Variants in SH3PXD2A observed in about 807,000 individuals in gnomAD.
SH3PXD2A encodes SH3 and PX domains 2A, also known as SH3 and PX domain-containing protein 2A.
Under a neutral mutation model 115.2 loss-of-function variants are expected in SH3PXD2A, and 32 were observed. The ratio of observed to expected loss-of-function variants is 0.28; its 90% CI spans 0.21 to 0.37. The LOEUF (loss-of-function observed/expected upper bound fraction) is 0.37. SH3PXD2A is among the 10% of genes least tolerant of loss of function. The probability of loss-of-function intolerance (pLI) is 1.00; values close to 1 mark genes in which losing one functional copy is unlikely to be tolerated. For missense variants in SH3PXD2A, 1,328 were observed against 1,498.7 expected (o/e 0.89, Z 1.88); for synonymous variants, 610 against 629.1 (o/e 0.97, Z 0.45).
chr10:103,718,961 T>A (rs2038143525), intron 5 of SH3PXD2A, among the ~76,000 whole-genome samples: 1 of 152,180 alleles, frequency 6.6e-6, no homozygotes, highest in South Asian at 2.1e-4. Context: ...GATCAGTGCC[T>A]TATAAAAGAG....
At chr10:103,770,257 G>A (rs1335203971) in intron 2 of SH3PXD2A, among the ~76,000 whole-genome samples, 1 of 152,204 alleles carries the variant, frequency 6.6e-6, no homozygotes, top group Non-Finnish European at 1.5e-5. Flanking sequence ...TGCCCAGGCT[G>A]GAGTACAGTG....
intron 1 of SH3PXD2A, among the ~76,000 whole-genome samples, chr10:103,810,797 A>C (rs2039258256): frequency 6.6e-6 from 1 of 151,926 alleles, no homozygotes; most frequent in Admixed American, 6.6e-5. Flanking sequence ...GGGGAGCAGG[A>C]AGTAGGGCAC....
At chr10:103,766,092 C>T (rs928427548) in intron 3 of SH3PXD2A, among the ~76,000 whole-genome samples, 15 of 152,210 alleles carry the variant, frequency 9.9e-5, no homozygotes, top group African/African-American at 2.7e-4. Context: ...GCAGGAGAAA[C>T]GCCTTTCAGA....
At chr10:103,615,483 G>GGGGTGTGTGTGTGTGTGT (rs1237824774) in intron 11 of SH3PXD2A, among the ~76,000 whole-genome samples, 18 of 128,524 alleles carry the variant, frequency 1.4e-4, no homozygotes, top group Admixed American at 5.6e-4. Flanking sequence ...AGAGTGCGAG[G>GGGGTGTGTGTGTGTGTGT]GTGTGTGTGT....
rs768074717 is a variant in SH3PXD2A, at chr10:103,602,381, G to A, written c.2837C>T (p.Thr946Met). 1.4e-5 allele frequency: 23 copies of A among 1,613,758 alleles called. No individual in the cohort carries two copies. The highest frequency in any genetic ancestry group is 6.7e-5 in the Admixed American group (4 of 60,004). The change falls in exon 15 of 15, where the codon ACG becomes ATG. Residue 946 changes from threonine to methionine, a missense_variant. By Grantham distance (81) the Thr-to-Met change is moderately conservative. Coordinates refer to ENST00000369774, the MANE Select transcript of SH3PXD2A (RefSeq NM_001394015.1). ...LNTVNQSKKA[T>M]PPIPSKPPGG... ...GGGAGGTTTGGAGGGGATGGGGGGCGTGGCCTTCTTGCTCTGGTTGACGGT... is the reference window on the plus strand; with the variant it reads ...GGGAGGTTTGGAGGGGATGGGGGGCATGGCCTTCTTGCTCTGGTTGACGGT...
At chr10:103,681,527 G>T (rs1002453955) in intron 6 of SH3PXD2A, among the ~76,000 whole-genome samples, 3 of 152,210 alleles carry the variant, frequency 2.0e-5, no homozygotes, top group Non-Finnish European at 2.9e-5. Flanking sequence ...CAGCACTCTG[G>T]GGGGCCAAGG....
intron 3 of SH3PXD2A, among the ~76,000 whole-genome samples, chr10:103,748,306 G>T (rs2038531970): frequency 6.6e-6 from 1 of 152,218 alleles, no homozygotes; most frequent in Admixed American, 6.5e-5. Context: ...GTGTGCCACA[G>T]TCTCTTTCTT....
intron 8 of SH3PXD2A, among the ~76,000 whole-genome samples, chr10:103,658,338 A>G (rs1267722932): frequency 1.3e-5 from 2 of 152,228 alleles, no homozygotes; most frequent in East Asian, 3.9e-4. Flanking sequence ...GGCTGGGGCC[A>G]TTGCCCAACA....
chr10:103,676,107 A>G (rs1192915739), intron 6 of SH3PXD2A, among the ~76,000 whole-genome samples: 1 of 152,064 alleles, frequency 6.6e-6, no homozygotes, highest in African/African-American at 2.4e-5. Context: ...ATGGCATCAG[A>G]CTTAAGCCCA....
chr10:103,800,163 TC>T (rs898171697), intron 2 of SH3PXD2A, among the ~76,000 whole-genome samples: 4 of 152,070 alleles, frequency 2.6e-5, no homozygotes, highest in Non-Finnish European at 5.9e-5. Flanking sequence ...ATCTAGAACA[TC>T]TTGGCTCTAC....
intron 2 of SH3PXD2A, among the ~76,000 whole-genome samples, chr10:103,771,113 G>A (rs557540684): frequency 6.6e-6 from 1 of 152,258 alleles, no homozygotes; most frequent in South Asian, 2.1e-4. Flanking sequence ...GGTATGGAAC[G>A]CTTTGTCCTT....
chr10:103,854,460 C>T (rs1003552043), intron 1 of SH3PXD2A, among the ~76,000 whole-genome samples: 1 of 152,150 alleles, frequency 6.6e-6, no homozygotes, highest in African/African-American at 2.4e-5. Context: ...AACCTTAACC[C>T]CTTCTCATTA....
At chr10:103,683,518 G>T (rs797014390) in intron 6 of SH3PXD2A, among the ~76,000 whole-genome samples, 12 of 152,248 alleles carry the variant, frequency 7.9e-5, no homozygotes, top group African/African-American at 2.9e-4. Flanking sequence ...AAATAAATAA[G>T]CCAGGCATGG....
At chr10:103,719,420 T>C (rs2038150445) in intron 5 of SH3PXD2A, among the ~76,000 whole-genome samples, 1 of 152,242 alleles carries the variant, frequency 6.6e-6, no homozygotes, top group Non-Finnish European at 1.5e-5. Context: ...CCCTGAGCCT[T>C]CAGCTCCTTG....
At chr10:103,685,337 CAAAAAAAA>C (rs775424414) in intron 6 of SH3PXD2A, among the ~76,000 whole-genome samples, 4 of 56,386 alleles carry the variant, frequency 7.1e-5, no homozygotes, top group South Asian at 8.2e-4. Flanking sequence ...AACTCTGTCT[CAAAAAAAA>C]AAAAAAAAAA....
rs77942967 is a variant in SH3PXD2A at position 103,727,683 on chromosome 10, G to A, written c.307-3322C>T. On this transcript the variant is annotated intron_variant, in intron 4 of 14. Transcript: ENST00000369774. ...AGGGAACAGAGGGGCTCTTCATGCCGACAGAGACCCACATTCCGGAGGCAG... is the reference window on the plus strand; with the variant it reads ...AGGGAACAGAGGGGCTCTTCATGCCAACAGAGACCCACATTCCGGAGGCAG... Among the ~76,000 whole-genome samples, 1,105 of 152,366 alleles carry A rather than the reference G, an allele frequency of 7.3e-3. 12 individuals are homozygous for A. Among genetic ancestry groups the A allele is most frequent in the Non-Finnish European group, 9.9e-3 (671 of 68,034 alleles).
At chr10:103,661,772 C>T in intron 7 of SH3PXD2A, 4 of 985,334 alleles carry the variant, frequency 4.1e-6, no homozygotes, top group Non-Finnish European at 4.8e-6. Flanking sequence ...TTACTCGCAA[C>T]CCTTAAATAG....
intron 14 of SH3PXD2A, 99 bp from the exon 15 acceptor site, chr10:103,603,888 T>A (rs1208517728): frequency 7.6e-7 from 1 of 1,323,162 alleles, no homozygotes; most frequent in African/African-American, 1.5e-5. Context: ...GGATAAATTA[T>A]CTCCATTTTA....
chr10:103,678,666 C>T (rs1046301810), intron 6 of SH3PXD2A, among the ~76,000 whole-genome samples: 1 of 152,182 alleles, frequency 6.6e-6, no homozygotes, highest in Non-Finnish European at 1.5e-5. Flanking sequence ...CCTGGTCAAT[C>T]ATCAGCCTCT....
Sources: allele counts gnomAD v4.1 joint callset (sites outside exome capture counted in the v4.1 genomes callset), GRCh38; gene constraint gnomAD v4.1.1; transcripts MANE v1.5; gene names NCBI Gene and HGNC (gene_info 2026-07-23, HGNC 2026-07-21).